Variants in MTCL2 observed in about 807,000 individuals in gnomAD.
The protein encoded by MTCL2 is microtubule cross-linking factor 2.
chr20:36,785,393 C>G, the MTCL2 span: 1 of 983,990 alleles, frequency 1.0e-6, no homozygotes, highest in Non-Finnish European at 1.2e-6. Context: ...AGTAAACCAC[C>G]TTAAATATTT....
At chr20:36,809,187 G>T in the MTCL2 span, among the ~76,000 whole-genome samples, 2,188 of 152,204 alleles carry the variant, frequency 0.014, 64 homozygotes, top group African/African-American at 0.05. Context: ...TGGATTAGAG[G>T]CCCAGCCCTG....
chr20:36,839,203 G>A, the MTCL2 span: 10 of 1,580,762 alleles, frequency 6.3e-6, no homozygotes, highest in East Asian at 2.3e-5. The surrounding 1 kb of genome is among the most constrained non-coding windows in gnomAD (Gnocchi z 5.1). Context: ...AAGGGCACCC[G>A]AGCCCAGGCT....
At chr20:36,854,591 C>A in the MTCL2 span, among the ~76,000 whole-genome samples, 4 of 152,120 alleles carry the variant, frequency 2.6e-5, no homozygotes, top group Non-Finnish European at 4.4e-5. Flanking sequence ...GGAGGCAGGA[C>A]CACACAGGCT....
chr20:36,788,788 T>C, the MTCL2 span, among the ~76,000 whole-genome samples: 1 of 151,896 alleles, frequency 6.6e-6, no homozygotes. Context: ...CTCTCTTTTT[T>C]TCTTTTTCTT....
At chr20:36,833,195 C>G in the MTCL2 span, among the ~76,000 whole-genome samples, 1 of 152,222 alleles carries the variant, frequency 6.6e-6, no homozygotes, top group African/African-American at 2.4e-5. Flanking sequence ...TGCGTGAAAA[C>G]ACATTACATT....
chr20:36,830,699 C>A, the MTCL2 span, among the ~76,000 whole-genome samples: 1 of 152,212 alleles, frequency 6.6e-6, no homozygotes, highest in Non-Finnish European at 1.5e-5. Context: ...CTGGGCAAGG[C>A]AATTTTCCTC....
At chr20:36,785,307 C>CA in the MTCL2 span, 3 of 985,406 alleles carry the variant, frequency 3.0e-6, no homozygotes, top group Non-Finnish European at 3.6e-6. Flanking sequence ...CATGTTGTCC[C>CA]AGTGGCAAGA....
chr20:36,806,062 C>T, the MTCL2 span: 57 of 797,020 alleles, frequency 7.2e-5, no homozygotes, highest in Non-Finnish European at 1.1e-4. Flanking sequence ...GATAGTCAGG[C>T]CCTCCTAGCC....
At chr20:36,794,070 A>T in the MTCL2 span, 1 of 1,551,398 alleles carries the variant, frequency 6.4e-7, no homozygotes, top group Non-Finnish European at 8.7e-7. This position sits in a 1 kb window ranked among gnomAD's most constrained non-coding sequence, Gnocchi z 5.4. Context: ...ATGTTGCCTG[A>T]CATCTCAAAG....
chr20:36,792,656 G>A, the MTCL2 span, among the ~76,000 whole-genome samples: 1 of 152,162 alleles, frequency 6.6e-6, no homozygotes, highest in Admixed American at 6.6e-5. Context: ...AGTCTCTGGT[G>A]GGTGGAGCAA....
the MTCL2 span, among the ~76,000 whole-genome samples, chr20:36,861,037 C>T: frequency 6.6e-6 from 1 of 152,148 alleles, no homozygotes; most frequent in African/African-American, 2.4e-5. Context: ...GAGATGGGTG[C>T]CTAGGAGCCC....
chr20:36,815,778 A>G, the MTCL2 span: 5 of 1,591,340 alleles, frequency 3.1e-6, no homozygotes, highest in African/African-American at 1.3e-5. The surrounding 1 kb of genome is among the most constrained non-coding windows in gnomAD (Gnocchi z 5.3). Flanking sequence ...CGACAGCGCC[A>G]CGTCCAGCTC....
At chr20:36,782,843 C>T in the MTCL2 span, 2 of 152,294 alleles carry the variant, frequency 1.3e-5, no homozygotes, top group African/African-American at 2.4e-5. Flanking sequence ...CCAGGGGAAA[C>T]GTTTTCTATA....
chr20:36,794,460 C>T, the MTCL2 span: 1 of 1,614,038 alleles, frequency 6.2e-7, no homozygotes, highest in South Asian at 1.1e-5. This position sits in a 1 kb window ranked among gnomAD's most constrained non-coding sequence, Gnocchi z 5.4. Flanking sequence ...GTGTCTTTCT[C>T]TGGATCCCCT....
At chr20:36,857,173 G>A in the MTCL2 span, among the ~76,000 whole-genome samples, 3 of 152,168 alleles carry the variant, frequency 2.0e-5, no homozygotes. Context: ...TTGTGTCTCC[G>A]CCTACATGTG....
At chr20:36,797,561 C>T in the MTCL2 span, 1 of 1,556,494 alleles carries the variant, frequency 6.4e-7, no homozygotes, top group Non-Finnish European at 8.7e-7. Flanking sequence ...CAGGGGTCGG[C>T]AGCCTTCTGC....
chr20:36,814,995 G>A, the MTCL2 span: 70 of 851,194 alleles, frequency 8.2e-5, no homozygotes, highest in South Asian at 3.2e-4. Context: ...CCAGGATATC[G>A]AGGCTGCAGT....
the MTCL2 span, among the ~76,000 whole-genome samples, chr20:36,799,494 A>AAAATAAATAAAT: frequency 4.1e-4 from 61 of 147,116 alleles, no homozygotes; most frequent in African/African-American, 1.4e-3. Flanking sequence ...CTCCATCTCA[A>AAAATAAATAAAT]AAATAAATAA....
At chr20:36,826,474 C>T in the MTCL2 span, among the ~76,000 whole-genome samples, 1 of 146,742 alleles carries the variant, frequency 6.8e-6, no homozygotes, top group African/African-American at 2.5e-5. Flanking sequence ...ACCTCTTGGG[C>T]TCAAGTGATC....
Sources: allele counts gnomAD v4.1 joint callset (sites outside exome capture counted in the v4.1 genomes callset), GRCh38; gene constraint gnomAD v4.1.1; non-coding constraint Gnocchi (gnomAD v3.1); transcripts MANE v1.5; gene names NCBI Gene and HGNC (gene_info 2026-07-23, HGNC 2026-07-21).